Variants in NFIB observed in about 807,000 individuals in gnomAD.
NFIB encodes the protein nuclear factor 1 B-type.
NFIB carries 11 observed loss-of-function variants against 61.5 expected under a neutral mutation model. The observed-to-expected ratio is 0.18, with a 90% CI of 0.11 to 0.30. NFIB has a LOEUF of 0.30. NFIB is among the 10% of genes least tolerant of loss of function. NFIB has a pLI of 1.00. For synonymous variants in NFIB, 260 were observed against 216.5 expected, an observed-to-expected ratio of 1.20 and a Z score of -1.76; for missense variants, 471 against 608.9, an observed-to-expected ratio of 0.77 and a Z score of 2.38.
intron 1 of NFIB, among the ~76,000 whole-genome samples, chr9:14,355,420 T>G (rs1014047538): frequency 1.1e-4 from 16 of 152,158 alleles, no homozygotes; most frequent in African/African-American, 3.9e-4. Context: ...TTTCTGCTGT[T>G]TAAGCCACCC....
chr9:14,222,915 G>A (rs1462335170), intron 2 of NFIB, among the ~76,000 whole-genome samples: 2 of 151,154 alleles, frequency 1.3e-5, no homozygotes, highest in African/African-American at 2.4e-5. Context: ...TCTTTCCACT[G>A]CTCCCTCAAG....
the NFIB span, among the ~76,000 whole-genome samples, chr9:14,468,868 G>A: frequency 6.6e-6 from 1 of 152,348 alleles, no homozygotes; most frequent in Admixed American, 6.5e-5. Flanking sequence ...CTCACAGGTA[G>A]AAAGGTACAG....
In NFIB at chr9:14,266,987, T is replaced by C. The variant is rs139599141; in HGVS notation, c.562+40002A>G. ...AGTAGAAAATTCACAGAATCAGAAC[T>C]GGGGAAAACAGACAAATGAAAACAA... On this transcript the variant is annotated intron_variant, in intron 2 of 10. Transcript: ENST00000380953. Among the ~76,000 whole-genome samples, 60 of 152,230 alleles carry C rather than the reference T, an allele frequency of 3.9e-4. No individual in the cohort carries two copies. In the East Asian group the frequency reaches 9.3e-3, roughly 23 times the overall value.
chr9:14,305,534 T>C (rs1188771688), intron 2 of NFIB, among the ~76,000 whole-genome samples: 1 of 152,234 alleles, frequency 6.6e-6, no homozygotes, highest in Non-Finnish European at 1.5e-5. Context: ...CCATCATTAT[T>C]TGGACTGTAA....
intron 1 of NFIB, among the ~76,000 whole-genome samples, chr9:14,391,901 C>G (rs2061627034): frequency 6.6e-6 from 1 of 152,184 alleles, no homozygotes; most frequent in African/African-American, 2.4e-5. Flanking sequence ...TGCTCTAAGA[C>G]TGGCCTCAGT....
chr9:14,188,451 A>C (rs2047611218), intron 2 of NFIB, among the ~76,000 whole-genome samples: 3 of 152,224 alleles, frequency 2.0e-5, no homozygotes, highest in Admixed American at 2.0e-4. Context: ...TTTGACTAAA[A>C]GAAATAGCTC....
chr9:14,125,202 G>C (rs982339260), intron 7 of NFIB, among the ~76,000 whole-genome samples: 2 of 152,154 alleles, frequency 1.3e-5, no homozygotes, highest in African/African-American at 4.8e-5. Context: ...CTGTCGCCTA[G>C]GCTGGAGTGC....
chr9:14,528,113 T>C, the NFIB span, among the ~76,000 whole-genome samples: 1 of 152,204 alleles, frequency 6.6e-6, no homozygotes, highest in African/African-American at 2.4e-5. Context: ...TTATATATCT[T>C]TCACTTCAAC....
At chr9:14,164,456 GTGTA>G (rs1412286608) in intron 3 of NFIB, among the ~76,000 whole-genome samples, 1 of 152,054 alleles carries the variant, frequency 6.6e-6, no homozygotes, top group African/African-American at 2.4e-5. Context: ...AATGGTATGT[GTGTA>G]TCTAAACATA....
At chr9:14,381,060 C>T (rs1464507343) in intron 1 of NFIB, among the ~76,000 whole-genome samples, 40 of 108,034 alleles carry the variant, frequency 3.7e-4, no homozygotes, top group South Asian at 6.6e-4. Flanking sequence ...GGCAACAGAG[C>T]GAGACTCCGT....
At chr9:14,137,368 T>C (rs1436055079) in intron 6 of NFIB, among the ~76,000 whole-genome samples, 1 of 152,182 alleles carries the variant, frequency 6.6e-6, no homozygotes, top group Admixed American at 6.6e-5. Context: ...AGCCCAATTA[T>C]TGTTATTCAA....
intron 1 of NFIB, among the ~76,000 whole-genome samples, chr9:14,381,072 T>C (rs1172096701): frequency 4.9e-5 from 1 of 20,320 alleles, no homozygotes; most frequent in African/African-American, 2.4e-4. Context: ...AGACTCCGTC[T>C]CAAAAAAAAA....
chr9:14,439,386 T>C, the NFIB span, among the ~76,000 whole-genome samples: 1 of 152,228 alleles, frequency 6.6e-6, no homozygotes, highest in African/African-American at 2.4e-5. Flanking sequence ...GGTCTGGGGC[T>C]GATAGCCTTG....
chr9:14,321,255 T>A (rs1425237131), intron 1 of NFIB, among the ~76,000 whole-genome samples: 1 of 150,836 alleles, frequency 6.6e-6, no homozygotes, highest in Non-Finnish European at 1.5e-5. Flanking sequence ...AGGAAAAAAA[T>A]CGGCAGCAAA....
In NFIB at chr9:14,084,376, C is replaced by G. The variant is rs1046946070; in HGVS notation, c.*3933G>C. ...GGCGGTTCATTAAGAAGACCTTTCGCTCTTCTCGCTACTTGCAGCTTCACA... is the reference window on the plus strand; with the variant it reads ...GGCGGTTCATTAAGAAGACCTTTCGGTCTTCTCGCTACTTGCAGCTTCACA... On this transcript the variant is annotated 3_prime_UTR_variant, in exon 11 of 11. Coordinates refer to ENST00000380953, the MANE Select transcript of NFIB (RefSeq NM_001190737.2). 9.0e-6 allele frequency: 2 copies of G among 222,166 alleles called. No individual in the cohort carries two copies. Among genetic ancestry groups the G allele is most frequent in the Admixed American group, 1.2e-4 (2 of 17,390 alleles). 13.8% of individuals were successfully genotyped at this position (222,166 alleles called of 1,614,324 possible). A position where few individuals can be genotyped will look rare whatever the true frequency, so the allele number is the denominator to read the frequency against.
At chr9:14,187,150 G>A (rs1385729344) in intron 2 of NFIB, among the ~76,000 whole-genome samples, 2 of 149,694 alleles carry the variant, frequency 1.3e-5, no homozygotes, top group East Asian at 4.0e-4. Context: ...TAAATTATTT[G>A]GAGTCCACTT....
At chr9:14,230,695 G>GA (rs965439220) in intron 2 of NFIB, among the ~76,000 whole-genome samples, 2 of 152,140 alleles carry the variant, frequency 1.3e-5, no homozygotes, top group Non-Finnish European at 2.9e-5. Context: ...CATTTAGGTA[G>GA]AAAAAAGTAG....
the NFIB span, among the ~76,000 whole-genome samples, chr9:14,519,433 G>A: frequency 6.6e-6 from 1 of 152,150 alleles, no homozygotes; most frequent in Non-Finnish European, 1.5e-5. Context: ...GGTAAGCAAA[G>A]TCTTTGTGGA....
intron 1 of NFIB, among the ~76,000 whole-genome samples, chr9:14,340,305 TG>T (rs1227139902): frequency 6.6e-6 from 1 of 152,218 alleles, no homozygotes; most frequent in African/African-American, 2.4e-5. Flanking sequence ...AGTAAAAGAA[TG>T]GGCGTTCTTC....
Sources: gnomAD v4.1 joint callset for allele counts (sites outside exome capture counted in the v4.1 genomes callset) on GRCh38, gnomAD v4.1.1 for gene constraint, MANE v1.5 for transcripts, NCBI Gene and HGNC (gene_info 2026-07-23, HGNC 2026-07-21) for gene names.